The following ODAPH variants were observed in gnomAD, a reference collection of about 807,000 sequenced individuals.
ODAPH encodes odontogenesis associated phosphoprotein.
ODAPH carries 2 observed loss-of-function variants against 2.8 expected under a neutral mutation model. The ratio of observed to expected loss-of-function variants is 0.72; its 90% CI spans 0.30 to 2.28. ODAPH has a LOEUF of 2.28. Ranked by LOEUF, ODAPH falls within the 30% of genes most tolerant of loss-of-function variation. ODAPH has a pLI of 0.13. For missense variants in ODAPH, 159 were observed against 163.3 expected (o/e 0.97, Z 0.14); for synonymous variants, 75 against 60.3 (o/e 1.24, Z -1.13).
chr4:75,560,049 G>A (rs1232877044), intron 1 of ODAPH, among the ~76,000 whole-genome samples: 1 of 152,162 alleles, frequency 6.6e-6, no homozygotes, highest in Non-Finnish European at 1.5e-5. Context: ...AGAGTGCTCT[G>A]GGCATCTGCA....
intron 1 of ODAPH, among the ~76,000 whole-genome samples, chr4:75,561,772 A>C (rs887690411): frequency 1.3e-5 from 2 of 150,280 alleles, no homozygotes; most frequent in Admixed American, 6.6e-5. Flanking sequence ...ACTTGAACCC[A>C]GGAGGTGGAG....
At chr4:75,562,364 AG>A (rs1727615764) in intron 1 of ODAPH, among the ~76,000 whole-genome samples, 1 of 125,366 alleles carries the variant, frequency 8.0e-6, no homozygotes, top group Non-Finnish European at 1.7e-5. Context: ...TTTGAGACGG[AG>A]TTTTGCTCTC....
chr4:75,565,791 G>T (rs564721053), downstream of ODAPH: 5 of 151,956 alleles, frequency 3.3e-5, no homozygotes, highest in East Asian at 9.6e-4. Flanking sequence ...AGACATGAAA[G>T]GACTTTGGGA....
intron 1 of ODAPH, among the ~76,000 whole-genome samples, chr4:75,560,968 A>G (rs902131868): frequency 6.6e-6 from 1 of 152,016 alleles, no homozygotes; most frequent in Non-Finnish European, 1.5e-5. Context: ...CTGTAATCCC[A>G]GCACTTTGGG....
At chr4:75,557,804 C>T (rs1727398545) in intron 1 of ODAPH, among the ~76,000 whole-genome samples, 1 of 152,202 alleles carries the variant, frequency 6.6e-6, no homozygotes, top group Non-Finnish European at 1.5e-5. Flanking sequence ...CCGACAAGGT[C>T]ATGTGTGGAT....
downstream of ODAPH, chr4:75,565,526 A>G (rs968844439): frequency 1.2e-4 from 19 of 152,206 alleles, no homozygotes; most frequent in African/African-American, 4.6e-4. Context: ...AGATAAGTTC[A>G]CTCAACTCTT....
rs1727328417 is a variant in ODAPH at position 75,556,112 on chromosome 4, G to C, written c.30G>C (p.Trp10Cys). MARRHCFSY[W>C]LLVCWLVVTV... ...CTCGCAGACACTGCTTCTCCTACTG[G>C]TTACTGGTATGCTGGTTGGTGGTAA... is the stretch of plus-strand genomic sequence containing the variant. Residue 10 changes from tryptophan (W) to cysteine (C), a missense_variant, in exon 1 of 2, where the codon TGG (tryptophan) becomes TGC (cysteine). Transcript: ENST00000311623. The C allele has an allele frequency of 3.1e-6, 5 of 1,614,026 alleles. No individual in the cohort carries two copies. Among genetic ancestry groups the C allele is most frequent in the Non-Finnish European group, 4.2e-6 (5 of 1,180,018 alleles).
chr4:75,560,847 C>A (rs147900974), intron 1 of ODAPH, among the ~76,000 whole-genome samples: 2 of 152,252 alleles, frequency 1.3e-5, no homozygotes, highest in East Asian at 3.9e-4. Context: ...ACAGCTGGAG[C>A]ACAGTTAACC....
At chr4:75,562,322 A>G (rs1276345538) in intron 1 of ODAPH, among the ~76,000 whole-genome samples, 1 of 151,234 alleles carries the variant, frequency 6.6e-6, no homozygotes, top group African/African-American at 2.4e-5. Flanking sequence ...AGCACTCTCA[A>G]CTTCCTGTGG....
At chr4:75,564,014 T>C in intron 1 of ODAPH, 100 bp from the exon 2 acceptor site, 2 of 1,043,864 alleles carry the variant, frequency 1.9e-6, no homozygotes, top group Non-Finnish European at 2.9e-6. Context: ...GAGATTTCTC[T>C]AATTCTCTCT....
downstream of ODAPH, chr4:75,564,936 G>T (rs1198174974): frequency 5.2e-6 from 1 of 191,976 alleles, no homozygotes; most frequent in Non-Finnish European, 1.1e-5. Flanking sequence ...GTTATGAGGA[G>T]TCTGACTGTA....
Position 75,563,005 on chromosome 4 carries a change from C to CTTTTTTTT in ODAPH, c.68-1079_68-1072dup, listed in dbSNP as rs542417085. ...TTTACATGCAATAAAATCCACACAT[C>CTTTTTTTT]TTTTTTTTTTTTTTTTTTTTTTTTT... On this transcript the variant is annotated intron_variant, in intron 1 of 1. Transcript: ENST00000311623. 6.7e-4 allele frequency among the ~76,000 whole-genome samples: 40 copies of CTTTTTTTT among 59,602 alleles called. 8 individuals carry two copies. The highest frequency in any genetic ancestry group is 1.4e-3 in the African/African-American group (23 of 15,870). 39.1% of individuals were successfully genotyped at this position (59,602 alleles called of 152,430 possible).
At chr4:75,558,991 C>A (rs1727457345) in intron 1 of ODAPH, among the ~76,000 whole-genome samples, 1 of 152,168 alleles carries the variant, frequency 6.6e-6, no homozygotes, top group Non-Finnish European at 1.5e-5. Context: ...CCACCACGCC[C>A]AGCCAATTTT....
intron 1 of ODAPH, among the ~76,000 whole-genome samples, chr4:75,558,541 C>A (rs1727436684): frequency 6.6e-6 from 1 of 151,400 alleles, no homozygotes. Flanking sequence ...TTCATCATTA[C>A]CTTTTTTTAA....
chr4:75,563,005 C>CTTTT lies in ODAPH; in HGVS notation c.68-1075_68-1072dup, dbSNP rs542417085. Among the ~76,000 whole-genome samples the CTTTT allele has an allele frequency of 2.9e-4, 17 of 59,600 alleles. 3 individuals carry two copies. The highest frequency in any genetic ancestry group is 1.2e-3 in the East Asian group (2 of 1,732). The allele number at this position is 59,600 out of a possible 152,430, so 39.1% of individuals were successfully genotyped here. ...TTTACATGCAATAAAATCCACACAT[C>CTTTT]TTTTTTTTTTTTTTTTTTTTTTTTT... On this transcript the variant is annotated intron_variant, in intron 1 of 1. Coordinates refer to ENST00000311623, the MANE Select transcript of ODAPH (RefSeq NM_178497.5).
downstream of ODAPH, chr4:75,565,473 T>G (rs765836688): frequency 6.6e-5 from 10 of 152,306 alleles, no homozygotes; most frequent in African/African-American, 9.6e-5. Flanking sequence ...AATGCCTGAT[T>G]AAACTGCTAC....
intron 1 of ODAPH, among the ~76,000 whole-genome samples, chr4:75,560,285 G>GA (rs1727510385): frequency 6.6e-6 from 1 of 152,190 alleles, no homozygotes; most frequent in Admixed American, 6.5e-5. Context: ...GAAAGGTAGA[G>GA]AGAGTTTCAA....
At chr4:75,560,694 C>T (rs533201551) in intron 1 of ODAPH, among the ~76,000 whole-genome samples, 1 of 152,350 alleles carries the variant, frequency 6.6e-6, no homozygotes, top group East Asian at 1.9e-4. Flanking sequence ...AAAGAGAGCA[C>T]TGAACACTAC....
intron 1 of ODAPH, among the ~76,000 whole-genome samples, chr4:75,562,457 A>G (rs1727619850): frequency 6.6e-6 from 1 of 150,704 alleles, no homozygotes; most frequent in Non-Finnish European, 1.5e-5. Context: ...CTCCTGCCTC[A>G]GCCTCCCGAG....
Sources: allele counts gnomAD v4.1 joint callset (sites outside exome capture counted in the v4.1 genomes callset), GRCh38; gene constraint gnomAD v4.1.1; transcripts MANE v1.5; gene names NCBI Gene and HGNC (gene_info 2026-07-23, HGNC 2026-07-21).